N4BP2L2: variants seen among roughly 807,000 people sequenced by gnomAD.
The protein encoded by N4BP2L2 is NEDD4-binding protein 2-like 2.
N4BP2L2 carries 50 observed loss-of-function variants against 56.2 expected under a neutral mutation model. That is an observed-to-expected ratio of 0.89 (90% CI 0.71 to 1.13). N4BP2L2 has a LOEUF of 1.13. Among genes scored for constraint, N4BP2L2 ranks in the 50% most tolerant of loss-of-function variants. N4BP2L2 has a pLI of 0.00. For synonymous variants in N4BP2L2, 203 were observed against 223.6 expected (o/e 0.91, Z 0.82); for missense variants, 689 against 693.8 (o/e 0.99, Z 0.08).
In N4BP2L2 at chr13:32,481,118, C is replaced by CAAAAAAAAAAAAAAAAAAA. The variant is rs60854435; in HGVS notation, c.365+36720_365+36738dup. Among the ~76,000 whole-genome samples, 8 of 20,714 alleles carry CAAAAAAAAAAAAAAAAAAA rather than the reference C, an allele frequency of 3.9e-4. 2 individuals carry two copies. The highest frequency in any genetic ancestry group is 1.5e-3 in the African/African-American group (8 of 5,406). The allele number at this position is 20,714 out of a possible 152,430, so 13.6% of individuals were successfully genotyped here. On this transcript the variant is annotated intron_variant, in intron 6 of 9. Coordinates refer to the N4BP2L2 transcript ENST00000357505. Reference sequence around the variant, plus strand: ...TCAGCAACAGAGTGAGACTCTGTCTCAAAAAAAAAAAAAAAAAAAAAAAAA... The same window carrying CAAAAAAAAAAAAAAAAAAA: ...TCAGCAACAGAGTGAGACTCTGTCTCAAAAAAAAAAAAAAAAAAAAAAAAAAAAAAAAAAAAAAAAAAAA...
chr13:32,456,402 C>A (rs987295776), intron 6 of N4BP2L2, among the ~76,000 whole-genome samples: 8 of 152,042 alleles, frequency 5.3e-5, no homozygotes. Context: ...AAAGCATAGC[C>A]AAAAATTTGG....
chr13:32,451,549 A>G (rs2078018424), intron 6 of N4BP2L2, among the ~76,000 whole-genome samples: 1 of 151,930 alleles, frequency 6.6e-6, no homozygotes, highest in African/African-American at 2.4e-5. Flanking sequence ...TATTTAATTA[A>G]TTTATTTTTG....
At chr13:32,481,992 C>T (rs1234106798) in intron 6 of N4BP2L2, among the ~76,000 whole-genome samples, 2 of 152,304 alleles carry the variant, frequency 1.3e-5, no homozygotes, top group African/African-American at 4.8e-5. Flanking sequence ...ACCTTCAGAA[C>T]TCTGTTGCCT....
exon 8 of N4BP2L2, chr13:32,438,720 C>A: frequency 6.2e-7 from 1 of 1,608,546 alleles, no homozygotes. Context: ...ACCACATAGT[C>A]ATCAGGCAAC....
exon 6 of N4BP2L2, chr13:32,511,496 A>G (rs2048127128): frequency 6.6e-6 from 1 of 152,186 alleles, no homozygotes; most frequent in Admixed American, 6.5e-5. Context: ...GTTCTATGCC[A>G]TGTTATGGAT....
At chr13:32,442,557 T>G in exon 7 of N4BP2L2, 1 of 1,613,862 alleles carries the variant, frequency 6.2e-7, no homozygotes, top group Non-Finnish European at 8.5e-7. Flanking sequence ...ACCTTTCATT[T>G]AAAAAGTGAA....
intron 7 of N4BP2L2, chr13:32,438,856 G>A: frequency 4.5e-6 from 3 of 672,714 alleles, no homozygotes; most frequent in Middle Eastern, 2.5e-4. Context: ...TGGTTTTAAA[G>A]ATATTTCGGT....
intron 6 of N4BP2L2, among the ~76,000 whole-genome samples, chr13:32,479,702 T>C (rs1272660470): frequency 6.7e-6 from 1 of 148,688 alleles, no homozygotes; most frequent in South Asian, 2.1e-4. Flanking sequence ...ACAAACAAGG[T>C]CGTGAGTTAA....
intron 6 of N4BP2L2, among the ~76,000 whole-genome samples, chr13:32,470,391 T>G (rs760961831): frequency 2.0e-5 from 3 of 152,174 alleles, no homozygotes; most frequent in Non-Finnish European, 4.4e-5. Context: ...ATAATGAAAC[T>G]GAGGCAGCCT....
At chr13:32,526,832 T>TTTTTTTTTTTTTTG (rs2053076433) in intron 3 of N4BP2L2, 1 of 142,294 alleles carries the variant, frequency 7.0e-6, no homozygotes, top group South Asian at 2.2e-4. Context: ...TTTTTTTTTT[T>TTTTTTTTTTTTTTG]TTTTTTTTTT....
intron 6 of N4BP2L2, among the ~76,000 whole-genome samples, chr13:32,475,447 G>GT (rs2083137314): frequency 6.6e-6 from 1 of 152,220 alleles, no homozygotes; most frequent in Admixed American, 6.5e-5. Context: ...AATGTGCCAA[G>GT]TTTTATAGTC....
chr13:32,529,141 AAGTTCGTTG>A (rs1440960052), intron 2 of N4BP2L2, among the ~76,000 whole-genome samples: 1 of 152,248 alleles, frequency 6.6e-6, no homozygotes. Context: ...TTTCAGTCCA[AAGTTCGTTG>A]AATTCACTGA....
intron 6 of N4BP2L2, among the ~76,000 whole-genome samples, chr13:32,503,235 C>T (rs911144433): frequency 1.4e-5 from 2 of 142,894 alleles, no homozygotes; most frequent in Non-Finnish European, 3.1e-5. Flanking sequence ...ACACGGAACA[C>T]AGTATGATTT....
intron 6 of N4BP2L2, among the ~76,000 whole-genome samples, chr13:32,444,330 T>A (rs2076717730): frequency 6.6e-6 from 1 of 152,166 alleles, no homozygotes; most frequent in Admixed American, 6.6e-5. Context: ...AGTGGTGTGA[T>A]CTTGGTTCAC....
chr13:32,535,933 G>C, exon 2 of N4BP2L2: 1 of 1,614,002 alleles, frequency 6.2e-7, no homozygotes. Context: ...TGACTTCACA[G>C]AAACCATTAC....
chr13:32,436,281 T>C (rs887528739), intron 9 of N4BP2L2: 29 of 646,866 alleles, frequency 4.5e-5, no homozygotes, highest in Non-Finnish European at 5.1e-6. Context: ...CTATAATACA[T>C]ATGAGCTATT....
intron 6 of N4BP2L2, among the ~76,000 whole-genome samples, chr13:32,496,858 T>C (rs2088801646): frequency 6.6e-6 from 1 of 152,220 alleles, no homozygotes; most frequent in African/African-American, 2.4e-5. Context: ...CATCTTGTAA[T>C]GATTCTACAT....
chr13:32,517,694 T>C, exon 6 of N4BP2L2: 1 of 1,441,624 alleles, frequency 6.9e-7, no homozygotes, highest in Non-Finnish European at 9.1e-7. Flanking sequence ...GAACATCCTT[T>C]GTGAGGCACT....
chr13:32,452,739 G>A (rs1490177261), intron 6 of N4BP2L2, among the ~76,000 whole-genome samples: 3 of 152,098 alleles, frequency 2.0e-5, no homozygotes, highest in Non-Finnish European at 4.4e-5. Flanking sequence ...AGGAATAGAT[G>A]AGAACTTCCT....
Sources: gnomAD v4.1 joint callset for allele counts (sites outside exome capture counted in the v4.1 genomes callset) on GRCh38, gnomAD v4.1.1 for gene constraint, MANE v1.5 for transcripts, NCBI Gene and HGNC (gene_info 2026-07-23, HGNC 2026-07-21) for gene names.